ANKRD17: variants seen among roughly 807,000 people sequenced by gnomAD.
The protein encoded by ANKRD17 is ankyrin repeat domain-containing protein 17.
In ANKRD17, 19 loss-of-function variants were observed where a neutral mutation model predicts 229.7. That is an observed-to-expected ratio of 0.08 (90% confidence interval 0.06 to 0.12). The LOEUF is 0.12. Ranked by LOEUF, ANKRD17 falls within the 10% of genes least tolerant of loss-of-function variation. The pLI is 1.00. For synonymous variants in ANKRD17, 1,112 were observed against 1,146.1 expected (o/e 0.97, Z 0.60); for missense variants, 2,176 against 3,176.8 (o/e 0.68, Z 7.57).
chr4:73,132,480 G>A (rs1399236570), intron 16 of ANKRD17, among the ~76,000 whole-genome samples: 1 of 152,106 alleles, frequency 6.6e-6, no homozygotes, highest in African/African-American at 2.4e-5. Flanking sequence ...TTTTTGAACA[G>A]TATTTTTTTC....
chr4:73,093,232 A>G (rs1393818108), intron 28 of ANKRD17, among the ~76,000 whole-genome samples: 1 of 152,216 alleles, frequency 6.6e-6, no homozygotes, highest in Non-Finnish European at 1.5e-5. Flanking sequence ...AATTTACTTT[A>G]AAGTAATTAA....
chr4:73,193,055 T>A (rs1737347243), intron 1 of ANKRD17, among the ~76,000 whole-genome samples: 1 of 152,160 alleles, frequency 6.6e-6, no homozygotes, highest in Non-Finnish European at 1.5e-5. Flanking sequence ...ATTTTAACAC[T>A]CAAAAATTTG....
intron 2 of ANKRD17, among the ~76,000 whole-genome samples, chr4:73,163,703 G>C (rs1732842585): frequency 6.6e-6 from 1 of 152,188 alleles, no homozygotes; most frequent in African/African-American, 2.4e-5. Flanking sequence ...AAAAAGGTTA[G>C]GGGTAAGCAT....
chr4:73,209,406 CTGAAAT>C (rs1560727881), intron 1 of ANKRD17, among the ~76,000 whole-genome samples: 1 of 152,096 alleles, frequency 6.6e-6, no homozygotes. Context: ...ACACCACAGA[CTGAAAT>C]TGACAAAGTC....
chr4:73,250,123 C>T (rs1027317594), intron 1 of ANKRD17, among the ~76,000 whole-genome samples: 2 of 152,168 alleles, frequency 1.3e-5, no homozygotes, highest in African/African-American at 4.8e-5. Context: ...CTACATTATA[C>T]TAAGCTTTTA....
At chr4:73,148,675 G>A in intron 8 of ANKRD17, 138 bp downstream of exon 8, 1 of 780,792 alleles carries the variant, frequency 1.3e-6, no homozygotes, top group East Asian at 2.6e-5. Flanking sequence ...CATTTTCACA[G>A]TAAATACTTT....
chr4:73,084,543 G>T (rs1183301009), intron 30 of ANKRD17, among the ~76,000 whole-genome samples: 4 of 150,844 alleles, frequency 2.7e-5, no homozygotes, highest in Non-Finnish European at 5.9e-5. Context: ...CCGCCTCCTG[G>T]GTTCAAGCAA....
chr4:73,114,026 A>C, intron 23 of ANKRD17, 118 bp from the exon 24 acceptor site: 1 of 642,410 alleles, frequency 1.6e-6, no homozygotes. Flanking sequence ...AGATCCATGA[A>C]AGGGGGAAAA....
At chr4:73,212,327 A>T (rs1740388519) in intron 1 of ANKRD17, among the ~76,000 whole-genome samples, 2 of 152,362 alleles carry the variant, frequency 1.3e-5, no homozygotes, top group South Asian at 2.1e-4. Flanking sequence ...GTCTAGAAAT[A>T]CTTAAAATCA....
intron 1 of ANKRD17, among the ~76,000 whole-genome samples, chr4:73,251,018 C>T (rs1448778859): frequency 2.0e-5 from 3 of 152,060 alleles, no homozygotes; most frequent in African/African-American, 7.2e-5. Flanking sequence ...CCTATAATCC[C>T]ACAGCATTTT....
In ANKRD17 at chr4:73,092,093, T is replaced by A; in HGVS notation, c.5535A>T (p.Thr1845=). ...IKMTTVALSS[T]SQTATALTVP... is the part of the protein sequence containing the mutation. ...CAGTGAGTGCTGTGGCAGTTTGAGA[T>A]GTTGATGACAGAGCTACAGTTGTCA... Residue 1845 remains threonine, a synonymous_variant, in exon 29 of 34, where the codon ACA becomes ACT. Transcript: ENST00000358602. 1 of 1,614,200 alleles carries A rather than the reference T, an allele frequency of 6.2e-7. No homozygotes were observed. The highest frequency in any genetic ancestry group is 1.1e-5 in the South Asian group (1 of 91,088).
chr4:73,162,950 C>T (rs2148922986), intron 2 of ANKRD17, among the ~76,000 whole-genome samples: 1 of 152,166 alleles, frequency 6.6e-6, no homozygotes. Context: ...GCCTCGACCT[C>T]CCGGGCTCAA....
At chr4:73,204,879 A>C (rs1739243116) in intron 1 of ANKRD17, among the ~76,000 whole-genome samples, 1 of 152,074 alleles carries the variant, frequency 6.6e-6, no homozygotes, top group African/African-American at 2.4e-5. Flanking sequence ...GTAATACACC[A>C]ATAAAAGGGA....
chr4:73,200,192 T>C (rs1330298081), intron 1 of ANKRD17, among the ~76,000 whole-genome samples: 1 of 152,214 alleles, frequency 6.6e-6, no homozygotes, highest in Non-Finnish European at 1.5e-5. Context: ...TTCCATTCAG[T>C]ATTTAGTAAA....
At chr4:73,130,610 A>AT (rs59923210) in intron 16 of ANKRD17, among the ~76,000 whole-genome samples, 36,977 of 146,240 alleles carry the variant, frequency 0.25, 6,488 homozygotes, top group African/African-American at 0.51. Flanking sequence ...ATAAAGATCT[A>AT]TTTTTTTTTT....
At chr4:73,196,742 A>C (rs570848799) in intron 1 of ANKRD17, among the ~76,000 whole-genome samples, 11 of 152,332 alleles carry the variant, frequency 7.2e-5, no homozygotes, top group African/African-American at 2.6e-4. Context: ...GCTGAGTTAC[A>C]TAAGTAACTC....
intron 30 of ANKRD17, among the ~76,000 whole-genome samples, chr4:73,084,363 A>G (rs549337298): frequency 6.6e-6 from 1 of 152,300 alleles, no homozygotes; most frequent in East Asian, 1.9e-4. Flanking sequence ...AGAAAGAAAG[A>G]AAATCTAATC....
intron 1 of ANKRD17, among the ~76,000 whole-genome samples, chr4:73,215,100 T>C (rs993689492): frequency 1.3e-5 from 2 of 152,110 alleles, no homozygotes; most frequent in Admixed American, 6.5e-5. Flanking sequence ...CAAGAACGAA[T>C]GATATGAGCC....
Position 73,140,066 on chromosome 4 carries a change from C to T in ANKRD17, c.2550G>A (p.Glu850=). The change falls in exon 15 of 34, where the codon GAG becomes GAA. Residue 850 remains glutamate (E), a synonymous_variant. Coordinates refer to ENST00000358602, the MANE Select transcript of ANKRD17 (RefSeq NM_032217.5). ...ADQLTKEKIE[E]LNKTREEQIQ... is the part of the protein sequence containing the mutation. ...TTTGTTCCTCCCTTGTTTTGTTGAG[C>T]TCCTCGATCTTCTCCTTGGTAAGTT... The T allele has an allele frequency of 6.2e-7, 1 of 1,614,188 alleles. No individual in the cohort carries two copies. The highest frequency in any genetic ancestry group is 8.5e-7 in the Non-Finnish European group (1 of 1,180,040).
Sources: gnomAD v4.1 joint callset for allele counts (sites outside exome capture counted in the v4.1 genomes callset) on GRCh38, gnomAD v4.1.1 for gene constraint, MANE v1.5 for transcripts, NCBI Gene and HGNC (gene_info 2026-07-23, HGNC 2026-07-21) for gene names.